NOX4: variants seen among roughly 807,000 people sequenced by gnomAD.
The protein encoded by NOX4 is NADPH oxidase 4.
Under a neutral mutation model 87.6 loss-of-function variants are expected in NOX4, and 69 were observed. The ratio of observed to expected loss-of-function variants is 0.79; its 90% CI spans 0.65 to 0.96. NOX4 has a LOEUF of 0.96. Among genes scored for constraint, NOX4 ranks in the 40% least tolerant of loss-of-function variants. The probability of loss-of-function intolerance (pLI) is 0.00; values close to 1 mark genes in which losing one functional copy is unlikely to be tolerated. For missense variants in NOX4, 680 were observed against 681.5 expected, an observed-to-expected ratio of 1.00 and a Z score of 0.02; for synonymous variants, 275 against 238.2, an observed-to-expected ratio of 1.15 and a Z score of -1.42.
intron 2 of NOX4, among the ~76,000 whole-genome samples, chr11:89,453,494 A>G (rs1039760298): frequency 1.3e-5 from 2 of 152,230 alleles, no homozygotes; most frequent in Non-Finnish European, 2.9e-5. Flanking sequence ...AACTTAAAGC[A>G]TTATCTTCAT....
intron 12 of NOX4, among the ~76,000 whole-genome samples, chr11:89,361,318 A>G (rs1315911231): frequency 2.0e-5 from 3 of 152,140 alleles, no homozygotes; most frequent in Non-Finnish European, 4.4e-5. Context: ...ATGGAGCTGG[A>G]GGCCATTATT....
the NOX4 span, among the ~76,000 whole-genome samples, chr11:89,530,643 G>A: frequency 6.6e-6 from 1 of 151,716 alleles, no homozygotes; most frequent in Non-Finnish European, 1.5e-5. Context: ...TGAGATTACA[G>A]GTGTGAGCCA....
chr11:89,489,279 T>G (rs540054363), intron 2 of NOX4, among the ~76,000 whole-genome samples: 202 of 152,228 alleles, frequency 1.3e-3, no homozygotes, highest in African/African-American at 4.5e-3. Flanking sequence ...TTGTCTGAGC[T>G]CGTCTTAATT....
intron 8 of NOX4, among the ~76,000 whole-genome samples, chr11:89,406,948 C>T (rs1187864334): frequency 6.6e-6 from 1 of 151,812 alleles, no homozygotes; most frequent in Non-Finnish European, 1.5e-5. Flanking sequence ...TGTAGAGATT[C>T]CAGGGGTTAG....
At chr11:89,518,799 C>T in the NOX4 span, among the ~76,000 whole-genome samples, 1 of 151,974 alleles carries the variant, frequency 6.6e-6, no homozygotes, top group Admixed American at 6.6e-5. Flanking sequence ...GACCTCTGAT[C>T]CACAGTGCTC....
chr11:89,552,396 C>T, the NOX4 span, among the ~76,000 whole-genome samples: 3 of 152,266 alleles, frequency 2.0e-5, no homozygotes, highest in East Asian at 5.8e-4. Flanking sequence ...AGGAACTTAT[C>T]AAGCTCCTTT....
intron 7 of NOX4, among the ~76,000 whole-genome samples, chr11:89,427,467 A>C (rs1351623298): frequency 3.9e-5 from 6 of 152,124 alleles, no homozygotes; most frequent in Non-Finnish European, 7.3e-5. Flanking sequence ...AGAAGCTAAA[A>C]ACCTTGAAAA....
intron 7 of NOX4, among the ~76,000 whole-genome samples, chr11:89,423,318 A>G (rs966603318): frequency 2.0e-5 from 3 of 152,092 alleles, no homozygotes; most frequent in African/African-American, 7.2e-5. Context: ...ATTATTTCAT[A>G]TGTCTGTTAC....
At chr11:89,513,975 G>A in the NOX4 span, among the ~76,000 whole-genome samples, 21 of 151,956 alleles carry the variant, frequency 1.4e-4, no homozygotes, top group East Asian at 3.9e-4. Context: ...CACCAGATGC[G>A]GCCACTTGAT....
At chr11:89,477,501 T>A (rs1338825556) in intron 2 of NOX4, among the ~76,000 whole-genome samples, 4 of 152,066 alleles carry the variant, frequency 2.6e-5, no homozygotes, top group Non-Finnish European at 4.4e-5. Context: ...GTCTGTGGCT[T>A]GGGGACTGGG....
chr11:89,506,170 C>A, the NOX4 span, among the ~76,000 whole-genome samples: 1 of 148,072 alleles, frequency 6.8e-6, no homozygotes, highest in African/African-American at 2.5e-5. Context: ...CTGTAGTCTT[C>A]CTAATAACAG....
chr11:89,509,936 G>T, the NOX4 span, among the ~76,000 whole-genome samples: 1 of 151,996 alleles, frequency 6.6e-6, no homozygotes, highest in African/African-American at 2.4e-5. Context: ...GCAAGACAAA[G>T]AAATGACCGG....
intron 8 of NOX4, among the ~76,000 whole-genome samples, chr11:89,413,069 T>C (rs1415478732): frequency 6.6e-6 from 1 of 152,092 alleles, no homozygotes; most frequent in Non-Finnish European, 1.5e-5. Flanking sequence ...AACAGGTATA[T>C]GAAAAGGTGC....
chr11:89,584,280 G>A, the NOX4 span, among the ~76,000 whole-genome samples: 3 of 152,008 alleles, frequency 2.0e-5, no homozygotes, highest in East Asian at 3.9e-4. Context: ...ATATATCACC[G>A]AAGGTTGCTC....
At chr11:89,524,092 A>T in the NOX4 span, among the ~76,000 whole-genome samples, 3 of 152,270 alleles carry the variant, frequency 2.0e-5, no homozygotes, top group African/African-American at 7.2e-5. Flanking sequence ...TGGATATACA[A>T]ATCTGTCAAA....
At chr11:89,520,042 G>T in the NOX4 span, among the ~76,000 whole-genome samples, 1 of 151,960 alleles carries the variant, frequency 6.6e-6, no homozygotes, top group East Asian at 1.9e-4. Context: ...AATGAGGTAG[G>T]CTGCTTGACT....
chr11:89,338,103 A>C lies in NOX4; in HGVS notation c.1447-588T>G, dbSNP rs571149105. On this transcript the variant is annotated intron_variant, in intron 15 of 17. Coordinates refer to ENST00000263317, the MANE Select transcript of NOX4 (RefSeq NM_016931.5). ...ACAACCCCTCACTTCCCCCTCCCCG[A>C]AGGCTTTGGCAACCTGAGAGGATTT... Among the ~76,000 whole-genome samples the C allele has an allele frequency of 7.9e-5, 12 of 152,148 alleles. No individual in the cohort carries two copies. In the South Asian group the frequency reaches 2.5e-3, roughly 32 times the overall value.
At chr11:89,460,183 T>C (rs1476357453) in intron 2 of NOX4, among the ~76,000 whole-genome samples, 3 of 152,124 alleles carry the variant, frequency 2.0e-5, no homozygotes, top group Non-Finnish European at 4.4e-5. Flanking sequence ...AAGACTTAAA[T>C]GTCAGACCTA....
At chr11:89,561,457 A>G in the NOX4 span, among the ~76,000 whole-genome samples, 17 of 152,232 alleles carry the variant, frequency 1.1e-4, no homozygotes, top group South Asian at 1.9e-3. Flanking sequence ...TCTATCTTAC[A>G]GCGCTGCTGT....
Sources: gnomAD v4.1 joint callset for allele counts (sites outside exome capture counted in the v4.1 genomes callset) on GRCh38, gnomAD v4.1.1 for gene constraint, MANE v1.5 for transcripts, NCBI Gene and HGNC (gene_info 2026-07-23, HGNC 2026-07-21) for gene names.